UBR2: variants seen among roughly 807,000 people sequenced by gnomAD.
UBR2 encodes E3 ubiquitin-protein ligase UBR2.
In UBR2, 92 loss-of-function variants were observed where a neutral mutation model predicts 247.9. The observed-to-expected ratio is 0.37, with a 90% CI of 0.31 to 0.44. The LOEUF is 0.44. Ranked by LOEUF, UBR2 falls within the 20% of genes least tolerant of loss-of-function variation. The probability of loss-of-function intolerance (pLI) is 1.00; values close to 1 mark genes in which losing one functional copy is unlikely to be tolerated. For missense variants in UBR2, 1,613 were observed against 2,112.6 expected, an observed-to-expected ratio of 0.76 and a Z score of 4.64; for synonymous variants, 672 against 693.5, an observed-to-expected ratio of 0.97 and a Z score of 0.49.
At chr6:42,670,025 A>C in intron 34 of UBR2, 67 bp from the exon 35 acceptor site, 1,328 of 1,556,132 alleles carry the variant, frequency 8.5e-4, no homozygotes, top group Middle Eastern at 1.1e-3. Context: ...AGAGCTGTTA[A>C]GAAACCGAAC....
intron 8 of UBR2, 70 bp from the exon 9 acceptor site, chr6:42,615,001 C>A: frequency 7.6e-7 from 1 of 1,318,228 alleles, no homozygotes; most frequent in Non-Finnish European, 1.1e-6. Context: ...TCCATTTGAA[C>A]ATCTACTAAA....
chr6:42,677,149 T>G (rs1798763773), intron 40 of UBR2, among the ~76,000 whole-genome samples: 1 of 152,212 alleles, frequency 6.6e-6, no homozygotes, highest in South Asian at 2.1e-4. Flanking sequence ...AGAGGATAGA[T>G]CAAATGTACT....
chr6:42,665,062 C>T (rs1798029535), intron 32 of UBR2, among the ~76,000 whole-genome samples: 1 of 152,096 alleles, frequency 6.6e-6, no homozygotes, highest in Non-Finnish European at 1.5e-5. Context: ...AAGTCTAATA[C>T]CATAAGATAT....
intron 30 of UBR2, among the ~76,000 whole-genome samples, chr6:42,660,944 G>C (rs1034604470): frequency 2.6e-5 from 4 of 151,066 alleles, no homozygotes; most frequent in African/African-American, 9.7e-5. Flanking sequence ...TCCAGCCTGG[G>C]CAACGGAGCG....
chr6:42,612,209 A>C lies in UBR2; in HGVS notation c.903A>C (p.Gln301His). The C allele has an allele frequency of 6.4e-7, 1 of 1,555,814 alleles. No homozygotes were observed. The highest frequency in any genetic ancestry group is 8.8e-7 in the Non-Finnish European group (1 of 1,137,640). Reference protein sequence around the residue: ...TSRQTKPLKVQVMHSSIVAHQ... With the variant: ...TSRQTKPLKVHVMHSSIVAHQ... Reference sequence around the variant, plus strand: ...GACAGACAAAGCCACTCAAAGTTCAAGTTATGCATTCGTCTATTGTCGCAC... The same window carrying C: ...GACAGACAAAGCCACTCAAAGTTCACGTTATGCATTCGTCTATTGTCGCAC... The change falls in exon 8 of 47, where the codon CAA becomes CAC. Residue 301 changes from glutamine to histidine, a missense_variant. Coordinates refer to ENST00000372901, the MANE Select transcript of UBR2 (RefSeq NM_001363705.2).
At position 42,630,484 on chromosome 6, in the gene UBR2, A is replaced by ATTT. The variant is rs571382373; in HGVS notation, c.1282-2058_1282-2056dup. ...AGGCATAAGCCACTGCACCCAGCCT[A>ATTT]TTTTTTTTTTTTGATACCCCTAAAG... On this transcript the variant is annotated intron_variant, in intron 11 of 46. Transcript: ENST00000372901. Among the ~76,000 whole-genome samples, 358 of 144,756 alleles carry ATTT rather than the reference A, an allele frequency of 2.5e-3. 2 individuals carry two copies. Among genetic ancestry groups the ATTT allele is most frequent in the African/African-American group, 8.5e-3 (338 of 39,890 alleles). 95.0% of individuals were successfully genotyped at this position (144,756 alleles called of 152,430 possible). A position where few individuals can be genotyped will look rare whatever the true frequency, so the allele number is the denominator to read the frequency against.
At chr6:42,639,013 C>A (rs1796271863) in intron 15 of UBR2, among the ~76,000 whole-genome samples, 1 of 152,104 alleles carries the variant, frequency 6.6e-6, no homozygotes, top group Non-Finnish European at 1.5e-5. Flanking sequence ...TTTCATAAAC[C>A]TTAGCCTAAC....
In UBR2 at chr6:42,612,216, C is replaced by A; in HGVS notation, c.910C>A (p.His304Asn). Residue 304 changes from histidine to asparagine, a missense_variant, in exon 8 of 47, where the codon CAT (histidine) becomes AAT (asparagine). Coordinates refer to ENST00000372901, the MANE Select transcript of UBR2 (RefSeq NM_001363705.2). ...QTKPLKVQVMHSSIVAHQNFG... is the reference protein window; with the variant it reads ...QTKPLKVQVMNSSIVAHQNFG... ...AAAGCCACTCAAAGTTCAAGTTATG[C>A]ATTCGTCTATTGTCGCACATCAGAA... The A allele has an allele frequency of 6.4e-7, 1 of 1,553,950 alleles. No homozygotes were observed. Among genetic ancestry groups the A allele is most frequent in the Non-Finnish European group, 8.8e-7 (1 of 1,136,584 alleles).
intron 14 of UBR2, 75 bp from the exon 15 acceptor site, chr6:42,636,936 T>G: frequency 1.3e-6 from 2 of 1,487,978 alleles, no homozygotes; most frequent in Non-Finnish European, 1.8e-6. Flanking sequence ...ACTTACTCAC[T>G]GAATTTAAGG....
chr6:42,611,311 A>G (rs1041447182), intron 7 of UBR2, among the ~76,000 whole-genome samples: 2 of 151,740 alleles, frequency 1.3e-5, no homozygotes, highest in Admixed American at 1.3e-4. Flanking sequence ...AAATACAAAA[A>G]TTAGCCAAAC....
intron 11 of UBR2, among the ~76,000 whole-genome samples, chr6:42,621,855 T>C (rs1034229728): frequency 6.6e-6 from 1 of 152,244 alleles, no homozygotes; most frequent in African/African-American, 2.4e-5. Flanking sequence ...TATATTTTGA[T>C]TGAGATTGAA....
intron 34 of UBR2, 99 bp downstream of exon 34, chr6:42,666,344 A>C: frequency 1.0e-6 from 1 of 962,232 alleles, no homozygotes; most frequent in African/African-American, 1.6e-5. Context: ...GAGGGAGCAA[A>C]ATGTTATAGG....
At chr6:42,658,908 A>G in intron 29 of UBR2, 84 bp downstream of exon 29, 2 of 1,348,842 alleles carry the variant, frequency 1.5e-6, no homozygotes, top group South Asian at 1.7e-5. Flanking sequence ...TTGTAAGTAT[A>G]CTTTTAATCC....
rs539574208 is a variant in UBR2 at position 42,659,520 on chromosome 6, T to C, written c.3243-136T>C. The C allele has an allele frequency of 4.6e-3, 2,307 of 502,894 alleles. 7 individuals carry two copies. Among genetic ancestry groups the C allele is most frequent in the African/African-American group, 0.012 (565 of 48,068 alleles). 31.2% of individuals were successfully genotyped at this position (502,894 alleles called of 1,614,324 possible). ...GTCTCAAAAAATAAATAAATATATA[T>C]ACACACACACACACACACACACACA... On this transcript the variant is annotated intron_variant, in intron 29 of 46. Coordinates refer to ENST00000372901, the MANE Select transcript of UBR2 (RefSeq NM_001363705.2). This position sits in a 1 kb window ranked among gnomAD's most constrained non-coding sequence, Gnocchi z 4.3.
At chr6:42,601,864 CT>C (rs1255447927) in intron 4 of UBR2, among the ~76,000 whole-genome samples, 20 of 137,816 alleles carry the variant, frequency 1.5e-4, no homozygotes, top group East Asian at 8.3e-4. Flanking sequence ...TTTCTCCATT[CT>C]TTTTTTTTTC....
At chr6:42,652,183 T>G (rs1005896348) in intron 24 of UBR2, 112 bp downstream of exon 24, 4 of 1,073,618 alleles carry the variant, frequency 3.7e-6, no homozygotes, top group Admixed American at 5.1e-5. Flanking sequence ...AATGTAAGCT[T>G]TCCTAGTGAA....
chr6:42,630,376 T>C (rs954018921), intron 11 of UBR2, among the ~76,000 whole-genome samples: 17 of 151,802 alleles, frequency 1.1e-4, no homozygotes, highest in Admixed American at 2.0e-4. Flanking sequence ...AGTAGAGATA[T>C]GGTTTCACCA....
Position 42,615,142 on chromosome 6 carries a change from G to A in UBR2, c.1057G>A (p.Asp353Asn), listed in dbSNP as rs1338033984. ...GPDGENSSLV[D>N]RLMLSDSKLW... Reference sequence around the variant, plus strand: ...AGATGGTGAAAACTCTTCTCTAGTGGACAGACTGATGCTTAGTGATTCCAA... The same window carrying A: ...AGATGGTGAAAACTCTTCTCTAGTGAACAGACTGATGCTTAGTGATTCCAA... Residue 353 changes from aspartate (D) to asparagine (N), a missense_variant, in exon 9 of 47, where the codon GAC becomes AAC. Coordinates refer to ENST00000372901, the MANE Select transcript of UBR2 (RefSeq NM_001363705.2). 1.2e-6 allele frequency: 2 copies of A among 1,612,918 alleles called. No individual in the cohort carries two copies. The highest frequency in any genetic ancestry group is 1.7e-6 in the Non-Finnish European group (2 of 1,179,536).
intron 8 of UBR2, among the ~76,000 whole-genome samples, chr6:42,612,784 T>C (rs1467512524): frequency 6.6e-6 from 1 of 152,176 alleles, no homozygotes; most frequent in African/African-American, 2.4e-5. Context: ...ATTTGTAAAT[T>C]GGAAGTTACC....
Sources: allele counts gnomAD v4.1 joint callset (sites outside exome capture counted in the v4.1 genomes callset), GRCh38; gene constraint gnomAD v4.1.1; non-coding constraint Gnocchi (gnomAD v3.1); transcripts MANE v1.5; gene names NCBI Gene and HGNC (gene_info 2026-07-23, HGNC 2026-07-21).